ABI2: variants seen among roughly 807,000 people sequenced by gnomAD.
The protein encoded by ABI2 is abl interactor 2, also known as abelson interactor 2.
In ABI2, 25 loss-of-function variants were observed where a neutral mutation model predicts 59.2. The ratio of observed to expected loss-of-function variants is 0.42; its 90% CI spans 0.31 to 0.59. The LOEUF is 0.59. ABI2 is among the 20% of genes least tolerant of loss of function. The pLI, the probability that ABI2 is intolerant of heterozygous loss-of-function variation, is 0.14. For missense variants in ABI2, 545 were observed against 681.8 expected (o/e 0.80, Z 2.23); for synonymous variants, 213 against 235.5 (o/e 0.90, Z 0.87).
chr2:203,390,632 A>AG lies in ABI2; in HGVS notation c.481-413dup, dbSNP rs962210459. Reference sequence around the variant, plus strand: ...GGGTAACAAAGCGAGACTCTGTCTCAGAAAAAAAAAAAGAAAGTTATCTCT... The same window carrying AG: ...GGGTAACAAAGCGAGACTCTGTCTCAGGAAAAAAAAAAAGAAAGTTATCTCT... On this transcript the variant is annotated intron_variant, in intron 4 of 11. Coordinates refer to ENST00000261018, the MANE Select transcript of ABI2 (RefSeq NM_001375670.1). Among the ~76,000 whole-genome samples the AG allele has an allele frequency of 1.3e-4, 20 of 150,874 alleles. No individual in the cohort carries two copies. In the East Asian group the frequency reaches 3.7e-3, roughly 28 times the overall value.
chr2:203,344,905 A>G (rs2082259745), intron 1 of ABI2, among the ~76,000 whole-genome samples: 1 of 152,132 alleles, frequency 6.6e-6, no homozygotes, highest in African/African-American at 2.4e-5. Context: ...CTCTGTAAAA[A>G]CGAACCAATC....
intron 2 of ABI2, among the ~76,000 whole-genome samples, chr2:203,368,699 A>G (rs1050976230): frequency 2.0e-5 from 3 of 152,086 alleles, no homozygotes; most frequent in Admixed American, 6.6e-5. Flanking sequence ...TGCTTGTTAT[A>G]TTGTGTATCT....
intron 1 of ABI2, among the ~76,000 whole-genome samples, chr2:203,336,761 C>T (rs1046339043): frequency 5.9e-5 from 9 of 152,192 alleles, no homozygotes; most frequent in Non-Finnish European, 8.8e-5. Flanking sequence ...ACCTAACAAG[C>T]AGTTGGGCAG....
intron 5 of ABI2, among the ~76,000 whole-genome samples, chr2:203,391,999 A>G (rs984162259): frequency 6.6e-6 from 1 of 152,176 alleles, no homozygotes. Context: ...TGGCATTAGT[A>G]TAGCCCAGAA....
chr2:203,371,976 A>T (rs1414116528), intron 2 of ABI2, among the ~76,000 whole-genome samples: 1 of 150,492 alleles, frequency 6.6e-6, no homozygotes, highest in Admixed American at 6.6e-5. Flanking sequence ...TTTCTCGCAG[A>T]GGGGGAGTTG....
intron 4 of ABI2, among the ~76,000 whole-genome samples, chr2:203,385,139 C>T (rs1278323395): frequency 1.9e-3 from 134 of 69,908 alleles, no homozygotes; most frequent in Non-Finnish European, 2.5e-3. Context: ...GGCTCAGATT[C>T]TTTTTTTTTT....
intron 1 of ABI2, among the ~76,000 whole-genome samples, chr2:203,358,115 T>TGTGTGTG (rs57591649): frequency 0.017 from 1,065 of 63,274 alleles, 3 homozygotes; most frequent in Non-Finnish European, 0.019. Context: ...GTGTGTGTGT[T>TGTGTGTG]TGTTTGTTTG....
intron 8 of ABI2, among the ~76,000 whole-genome samples, chr2:203,400,079 CTTTTTTTTTTTT>C (rs10581610): frequency 1.5e-4 from 9 of 59,506 alleles, no homozygotes; most frequent in Non-Finnish European, 1.7e-4. Flanking sequence ...TGAATAGTGT[CTTTTTTTTTTTT>C]TTTTTTTTTT....
chr2:203,416,923 C>T lies in ABI2; in HGVS notation c.1295C>T (p.Pro432Leu). ...RVQENISDTP[P>L]PPPPVEEPVF... Reference sequence around the variant, plus strand: ...ACGTTCTTAGTTTCAGATACACCACCTCCACCGCCACCTGTGGAAGAACCA... The same window carrying T: ...ACGTTCTTAGTTTCAGATACACCACTTCCACCGCCACCTGTGGAAGAACCA... The change falls in exon 11 of 12, where the codon CCT becomes CTT. Residue 432 changes from proline (P) to leucine (L), a missense_variant. This residue lies in a region of ABI2 where 410 missense variants were observed against 435.6 expected (regional missense o/e 0.94). Transcript: ENST00000261018. 6.2e-7 allele frequency: 1 copy of T among 1,612,314 alleles called. No homozygotes were observed. Among genetic ancestry groups the T allele is most frequent in the Non-Finnish European group, 8.5e-7 (1 of 1,179,206 alleles).
rs2098449896 is a variant in ABI2, at chr2:203,427,469, C to T, written c.*117C>T. 1 of 994,504 alleles carries T rather than the reference C, an allele frequency of 1.0e-6. No homozygotes were observed. The highest frequency in any genetic ancestry group is 3.0e-5 in the Admixed American group (1 of 33,684). 61.6% of individuals were successfully genotyped at this position (994,504 alleles called of 1,614,324 possible). A position where few individuals can be genotyped will look rare whatever the true frequency, so the allele number is the denominator to read the frequency against. ...TGAAGGATACAAATGATAAAAATTA[C>T]ACTTTTTTTTTTGGTTTATTCCCCA... On this transcript the variant is annotated 3_prime_UTR_variant, in exon 12 of 12. Coordinates refer to ENST00000261018, the MANE Select transcript of ABI2 (RefSeq NM_001375670.1).
chr2:203,374,849 T>C (rs1412487674), intron 2 of ABI2: 1 of 456,426 alleles, frequency 2.2e-6, no homozygotes. Context: ...GGCAGCTAAC[T>C]GAGGTAGTGC....
chr2:203,357,892 C>T (rs2092559061), intron 1 of ABI2, among the ~76,000 whole-genome samples: 1 of 152,046 alleles, frequency 6.6e-6, no homozygotes, highest in African/African-American at 2.4e-5. Context: ...CCTCAGCCTC[C>T]CAAGTAGCTG....
At chr2:203,375,924 G>A in intron 2 of ABI2, 1 of 560,860 alleles carries the variant, frequency 1.8e-6, no homozygotes, top group Non-Finnish European at 3.0e-6. Flanking sequence ...GTTTTCTTCT[G>A]CCCACAGGCA....
chr2:203,404,977 A>G (rs1401855646), intron 9 of ABI2, among the ~76,000 whole-genome samples: 3 of 152,258 alleles, frequency 2.0e-5, no homozygotes, highest in Admixed American at 6.5e-5. Context: ...TTTATAATAC[A>G]TACTTCAATA....
intron 9 of ABI2, among the ~76,000 whole-genome samples, chr2:203,409,613 A>C (rs569334372): frequency 6.6e-6 from 1 of 152,156 alleles, no homozygotes; most frequent in South Asian, 2.1e-4. Flanking sequence ...TGTCCTTGAT[A>C]TGCTAGCTAA....
intron 2 of ABI2, among the ~76,000 whole-genome samples, chr2:203,376,777 C>T (rs930224971): frequency 3.2e-5 from 4 of 125,808 alleles, no homozygotes; most frequent in Non-Finnish European, 6.5e-5. Context: ...TGGGTTTGGG[C>T]TAAGTGTGTG....
chr2:203,338,943 T>C (rs1272839015), intron 1 of ABI2, among the ~76,000 whole-genome samples: 3 of 13,452 alleles, frequency 2.2e-4, no homozygotes, highest in African/African-American at 6.0e-4. Flanking sequence ...TGTATATATA[T>C]ATATATATAT....
chr2:203,351,861 A>G (rs2088824696), intron 1 of ABI2, among the ~76,000 whole-genome samples: 1 of 152,168 alleles, frequency 6.6e-6, no homozygotes, highest in Non-Finnish European at 1.5e-5. Flanking sequence ...AGTCTCGTAC[A>G]GTCATGCGCA....
chr2:203,395,432 A>AATATATATATATATATATAT (rs375911001), intron 6 of ABI2, among the ~76,000 whole-genome samples: 1 of 113,326 alleles, frequency 8.8e-6, no homozygotes, highest in African/African-American at 3.1e-5. Flanking sequence ...TTAATAAGTA[A>AATATATATATATATATATAT]ATATATATAT....
Sources: allele counts gnomAD v4.1 joint callset (sites outside exome capture counted in the v4.1 genomes callset), GRCh38; gene constraint gnomAD v4.1.1; regional missense constraint gnomAD v4.1.1; transcripts MANE v1.5; gene names NCBI Gene and HGNC (gene_info 2026-07-23, HGNC 2026-07-21).